The following ZFHX3 variants were observed in gnomAD, a reference collection of about 807,000 sequenced individuals.
ZFHX3 encodes zinc finger homeobox 3, also known as zinc finger homeobox protein 3.
ZFHX3 carries 42 observed loss-of-function variants against 279.1 expected under a neutral mutation model. The ratio of observed to expected loss-of-function variants is 0.15; its 90% CI spans 0.12 to 0.19. The LOEUF is 0.19. ZFHX3 is among the 10% of genes least tolerant of loss of function. The pLI, the probability that ZFHX3 is intolerant of heterozygous loss-of-function variation, is 1.00. For synonymous variants in ZFHX3, 2,293 were observed against 1,957.8 expected, an observed-to-expected ratio of 1.17 and a Z score of -4.52; for missense variants, 4,981 against 4,754.0, an observed-to-expected ratio of 1.05 and a Z score of -1.40.
intron 1 of ZFHX3, among the ~76,000 whole-genome samples, chr16:72,968,789 T>C (rs1374751977): frequency 1.3e-5 from 2 of 152,220 alleles, no homozygotes; most frequent in Admixed American, 1.3e-4. Flanking sequence ...ATAACTGCAG[T>C]GTGGTTATAA....
chr16:73,269,510 ATTG>A (rs1428213510), intron 4 of ZFHX3, among the ~76,000 whole-genome samples: 1 of 152,064 alleles, frequency 6.6e-6, no homozygotes, highest in African/African-American at 2.4e-5. Flanking sequence ...TTGTTGTTTT[ATTG>A]TTAAGTGGTA....
intron 4 of ZFHX3, among the ~76,000 whole-genome samples, chr16:73,306,692 A>G (rs1597274968): frequency 6.6e-6 from 1 of 152,182 alleles, no homozygotes; most frequent in African/African-American, 2.4e-5. Context: ...AAGAATCCAT[A>G]TTTGAGGTTC....
At chr16:73,582,309 T>G (rs1275555586) in intron 2 of ZFHX3, among the ~76,000 whole-genome samples, 1 of 151,784 alleles carries the variant, frequency 6.6e-6, no homozygotes, top group East Asian at 1.9e-4. Flanking sequence ...TTCATTTGTC[T>G]TCCATGGGGT....
At chr16:73,646,909 G>A (rs2142161329) in intron 2 of ZFHX3, among the ~76,000 whole-genome samples, 1 of 152,196 alleles carries the variant, frequency 6.6e-6, no homozygotes, top group East Asian at 1.9e-4. Context: ...CCTCCAAACT[G>A]GAACCCTTTG....
At chr16:73,039,879 C>G (rs796621309) in intron 1 of ZFHX3, among the ~76,000 whole-genome samples, 10 of 151,766 alleles carry the variant, frequency 6.6e-5, no homozygotes, top group African/African-American at 2.4e-4. Context: ...AGGGGACATC[C>G]CTTTGCAAAA....
At chr16:73,024,086 A>G (rs1163727678) in intron 1 of ZFHX3, among the ~76,000 whole-genome samples, 1 of 152,178 alleles carries the variant, frequency 6.6e-6, no homozygotes, top group African/African-American at 2.4e-5. Context: ...TGCCTCACCC[A>G]CTTGCTCCAT....
intron 3 of ZFHX3, among the ~76,000 whole-genome samples, chr16:72,943,508 G>A (rs1960513710): frequency 6.6e-6 from 1 of 151,976 alleles, no homozygotes; most frequent in Admixed American, 6.6e-5. Flanking sequence ...CTCCAGCCTG[G>A]GTGACAGAGT....
At chr16:73,537,571 C>T (rs1822814915) in intron 2 of ZFHX3, among the ~76,000 whole-genome samples, 1 of 152,154 alleles carries the variant, frequency 6.6e-6, no homozygotes. Context: ...CCGCCTCGGC[C>T]TCCCAAAGTG....
At chr16:73,543,704 C>T (rs1335317760) in intron 2 of ZFHX3, among the ~76,000 whole-genome samples, 2 of 152,036 alleles carry the variant, frequency 1.3e-5, no homozygotes, top group African/African-American at 4.8e-5. Flanking sequence ...TTTCCTCTGC[C>T]CAAGTCCCCC....
At chr16:73,750,339 A>G (rs2053750696) in intron 1 of ZFHX3, among the ~76,000 whole-genome samples, 1 of 152,146 alleles carries the variant, frequency 6.6e-6, no homozygotes, top group Admixed American at 6.5e-5. Context: ...ACACTGCTTT[A>G]CTCTACCAAC....
At chr16:73,599,892 A>C (rs1240392601) in intron 2 of ZFHX3, among the ~76,000 whole-genome samples, 1 of 152,190 alleles carries the variant, frequency 6.6e-6, no homozygotes. Flanking sequence ...ACTGTTGATT[A>C]GATAGATGGT....
intron 2 of ZFHX3, among the ~76,000 whole-genome samples, chr16:73,466,947 G>T (rs1402182968): frequency 6.7e-6 from 1 of 148,562 alleles, no homozygotes; most frequent in Non-Finnish European, 1.5e-5. Flanking sequence ...GAGCAAAGAG[G>T]AGGCGAACTG....
chr16:73,254,180 T>A (rs1447049368), intron 5 of ZFHX3, among the ~76,000 whole-genome samples: 3 of 152,150 alleles, frequency 2.0e-5, no homozygotes. Context: ...GGACTTCTCA[T>A]TGGCCCAGGT....
chr16:73,815,052 G>A lies in ZFHX3; in HGVS notation c.-1608+76599C>T, dbSNP rs1268483593. On this transcript the variant is annotated intron_variant, in intron 1 of 17. Transcript: ENST00000641206. Reference sequence around the variant, plus strand: ...CATTTCTCCAAATACAATGGGAAATGCTAGATAATGTGTAACTTACGGATG... The same window carrying A: ...CATTTCTCCAAATACAATGGGAAATACTAGATAATGTGTAACTTACGGATG... Among the ~76,000 whole-genome samples the A allele has an allele frequency of 3.9e-5, 6 of 152,270 alleles. No individual in the cohort carries two copies. The South Asian group carries it at 8.3e-4, about 21-fold the overall frequency.
chr16:73,072,920 C>T (rs1244695791), intron 8 of ZFHX3, among the ~76,000 whole-genome samples: 5 of 151,038 alleles, frequency 3.3e-5, no homozygotes, highest in South Asian at 2.1e-4. Context: ...TTATTTGAGA[C>T]GGAGTCTCAC....
intron 3 of ZFHX3, among the ~76,000 whole-genome samples, chr16:72,945,524 A>G (rs1262771638): frequency 6.6e-6 from 1 of 152,188 alleles, no homozygotes; most frequent in Non-Finnish European, 1.5e-5. Flanking sequence ...GAGGGCATGC[A>G]GGCGAAATCT....
At chr16:72,987,195 T>C (rs6416746) in intron 1 of ZFHX3, among the ~76,000 whole-genome samples, 139,319 of 152,230 alleles carry the variant, frequency 0.92, 63,906 homozygotes, top group Admixed American at 0.94. Flanking sequence ...TTAAGGAGAA[T>C]TCAGTAGTCA....
rs74507769 is a variant in ZFHX3 at position 73,327,444 on chromosome 16, A to C, written c.-1290-9108T>G. On this transcript the variant is annotated intron_variant, in intron 3 of 17. Transcript: ENST00000641206. ...TTCCCTCCCCAACTTCCCTAGAAGCAGATCTGGGCCTGCCATATTGAAAAC... is the reference window on the plus strand; with the variant it reads ...TTCCCTCCCCAACTTCCCTAGAAGCCGATCTGGGCCTGCCATATTGAAAAC... 0.011 allele frequency among the ~76,000 whole-genome samples: 1,747 copies of C among 152,262 alleles called. 126 individuals carry two copies. In the East Asian group the frequency reaches 0.22, roughly 19 times the overall value.
intron 5 of ZFHX3, among the ~76,000 whole-genome samples, chr16:73,216,987 G>A (rs1205333593): frequency 6.6e-6 from 1 of 152,142 alleles, no homozygotes; most frequent in African/African-American, 2.4e-5. Flanking sequence ...TTCTCCCTTA[G>A]GATTTCAGCC....
Sources: allele counts gnomAD v4.1 joint callset (sites outside exome capture counted in the v4.1 genomes callset), GRCh38; gene constraint gnomAD v4.1.1; transcripts MANE v1.5; gene names NCBI Gene and HGNC (gene_info 2026-07-23, HGNC 2026-07-21).